Variants in TCF4 observed in about 807,000 individuals in gnomAD.
TCF4 encodes transcription factor 4, also known as SL3-3 enhancer factor 2.
TCF4 carries 3 observed loss-of-function variants against 82.1 expected under a neutral mutation model. The ratio of observed to expected loss-of-function variants is 0.04; its 90% CI spans 0.02 to 0.09. The LOEUF is 0.09. TCF4 is among the 10% of genes least tolerant of loss of function. TCF4 has a pLI of 1.00. For missense variants in TCF4, 518 were observed against 852.7 expected, an observed-to-expected ratio of 0.61 and a Z score of 4.89; for synonymous variants, 276 against 309.6, an observed-to-expected ratio of 0.89 and a Z score of 1.14.
chr18:55,461,684 T>C (rs980633807), intron 4 of TCF4, among the ~76,000 whole-genome samples: 2 of 152,112 alleles, frequency 1.3e-5, no homozygotes, highest in African/African-American at 4.8e-5. Context: ...AATATTAGGG[T>C]TTAACTAGGA....
chr18:55,573,649 T>A (rs1410634752), intron 3 of TCF4, among the ~76,000 whole-genome samples: 1 of 152,136 alleles, frequency 6.6e-6, no homozygotes, highest in Non-Finnish European at 1.5e-5. Flanking sequence ...ACTTAACTCC[T>A]CCTCATCTGT....
intron 3 of TCF4, among the ~76,000 whole-genome samples, chr18:55,477,578 T>C (rs1191640850): frequency 6.6e-6 from 1 of 152,206 alleles, no homozygotes; most frequent in East Asian, 1.9e-4. Context: ...CCAGGCATAC[T>C]GCAACACCAT....
chr18:55,568,518 C>T (rs889750149), intron 3 of TCF4, among the ~76,000 whole-genome samples: 2 of 151,778 alleles, frequency 1.3e-5, no homozygotes, highest in African/African-American at 4.8e-5. Context: ...CATCTATACA[C>T]ACACACATCC....
intron 6 of TCF4, among the ~76,000 whole-genome samples, chr18:55,359,845 T>C (rs2084632529): frequency 6.6e-6 from 1 of 152,230 alleles, no homozygotes. Context: ...GAGTAAGAAC[T>C]TGTAATGTCT....
At chr18:55,588,329 G>A, upstream of TCF4, 5 of 1,471,984 alleles carry the variant, frequency 3.4e-6, no homozygotes, top group South Asian at 2.7e-5. Flanking sequence ...GGGTGGGGGG[G>A]CTCCGGCGGG....
chr18:55,385,343 A>T (rs1189243274), intron 6 of TCF4, among the ~76,000 whole-genome samples: 1 of 152,210 alleles, frequency 6.6e-6, no homozygotes, highest in Non-Finnish European at 1.5e-5. Context: ...TTCTTCACCT[A>T]TGCCAAATAA....
intron 16 of TCF4, chr18:55,234,345 T>C (rs2048750194): frequency 2.9e-6 from 2 of 678,014 alleles, no homozygotes; most frequent in Admixed American, 5.6e-5. Context: ...TTTCAGAGGA[T>C]GTTTGAGGAA....
At chr18:55,236,354 A>G (rs116631335) in intron 15 of TCF4, among the ~76,000 whole-genome samples, 1,553 of 152,246 alleles carry the variant, frequency 0.01, 27 homozygotes, top group African/African-American at 0.035. Flanking sequence ...ATATCTCCCA[A>G]AGAAGCCCAT....
intron 3 of TCF4, among the ~76,000 whole-genome samples, chr18:55,505,214 T>C (rs188737219): frequency 6.6e-5 from 10 of 152,298 alleles, no homozygotes; most frequent in Admixed American, 6.5e-4. Context: ...AAGCAAGATG[T>C]TCAATGATTT....
chr18:55,522,491 A>G (rs148471789), intron 3 of TCF4, among the ~76,000 whole-genome samples: 293 of 152,340 alleles, frequency 1.9e-3, no homozygotes, highest in Admixed American at 3.9e-3. Context: ...GAATATTTCT[A>G]TAAAATAGGT....
intron 8 of TCF4, among the ~76,000 whole-genome samples, chr18:55,320,220 A>G (rs952994118): frequency 2.0e-5 from 3 of 152,282 alleles, no homozygotes; most frequent in Admixed American, 1.3e-4. Flanking sequence ...ACATAATCCC[A>G]ATATTTATGT....
intron 5 of TCF4, among the ~76,000 whole-genome samples, chr18:55,444,336 G>A (rs564557092): frequency 2.0e-5 from 3 of 152,126 alleles, no homozygotes; most frequent in Admixed American, 6.5e-5. Context: ...ATCCACTATT[G>A]ATCAAACCAG....
At position 55,279,563 on chromosome 18, in the gene TCF4, A is replaced by C. The variant is rs1170209002; in HGVS notation, c.643T>G (p.Phe215Val). The C allele has an allele frequency of 6.2e-7, 1 of 1,613,914 alleles. No homozygotes were observed. The highest frequency in any genetic ancestry group is 1.3e-5 in the African/African-American group (1 of 75,018). Reference protein sequence around the residue: ...KPATSTFPSSFFMQDGHHSSD... With the variant: ...KPATSTFPSSVFMQDGHHSSD... Reference sequence around the variant, plus strand: ...AGCAGCATCTTACCTTGCATGAAGAAGGAGCTAGGGAAAGTGCTGGTTGCT... The same window carrying C: ...AGCAGCATCTTACCTTGCATGAAGACGGAGCTAGGGAAAGTGCTGGTTGCT... The change falls in exon 9 of 20, where the codon TTC (phenylalanine) becomes GTC (valine). Residue 215 changes from phenylalanine (F) to valine (V), a missense_variant. This residue lies in a region of TCF4 where 211 missense variants were observed against 327.4 expected (regional missense o/e 0.64). Transcript: ENST00000354452.
intron 3 of TCF4, among the ~76,000 whole-genome samples, chr18:55,504,743 C>T (rs1026392771): frequency 3.9e-5 from 6 of 152,220 alleles, no homozygotes; most frequent in Non-Finnish European, 8.8e-5. Flanking sequence ...TGTGCCCACA[C>T]TGCCTCTAAT....
chr18:55,406,311 G>C (rs2094085883), intron 5 of TCF4, among the ~76,000 whole-genome samples: 1 of 151,896 alleles, frequency 6.6e-6, no homozygotes, highest in South Asian at 2.1e-4. Flanking sequence ...TCTGCCCTCA[G>C]AGCCAGAACC....
chr18:55,321,562 G>C, intron 8 of TCF4: 1 of 1,453,046 alleles, frequency 6.9e-7, no homozygotes, highest in South Asian at 1.2e-5. Context: ...ACCCAGGAAG[G>C]TGCGGCAGTC....
chr18:55,351,904 A>C (rs917161857), intron 6 of TCF4: 9 of 851,912 alleles, frequency 1.1e-5, no homozygotes, highest in African/African-American at 1.8e-5. Flanking sequence ...ATTAAGAACA[A>C]ATTTACTATT....
At chr18:55,291,869 AGATTTAT>A (rs1281469218) in intron 8 of TCF4, among the ~76,000 whole-genome samples, 1 of 152,208 alleles carries the variant, frequency 6.6e-6, no homozygotes, top group East Asian at 1.9e-4. Context: ...ACTAGTTGGG[AGATTTAT>A]GAAGTACAAT....
intron 8 of TCF4, among the ~76,000 whole-genome samples, chr18:55,318,486 C>A (rs904119718): frequency 5.3e-5 from 8 of 151,804 alleles, no homozygotes; most frequent in African/African-American, 1.9e-4. Context: ...GTATTTAAAC[C>A]TCTAATGCAT....
Sources: gnomAD v4.1 joint callset for allele counts (sites outside exome capture counted in the v4.1 genomes callset) on GRCh38, gnomAD v4.1.1 for gene constraint, gnomAD v4.1.1 regional missense constraint, MANE v1.5 for transcripts, NCBI Gene and HGNC (gene_info 2026-07-23, HGNC 2026-07-21) for gene names.